LGSN: variants seen among roughly 807,000 people sequenced by gnomAD.
The protein encoded by LGSN is lengsin, lens protein with glutamine synthetase domain.
A neutral mutation model predicts 19.5 loss-of-function variants in LGSN; 21 were observed. The ratio of observed to expected loss-of-function variants is 1.07; its 90% confidence interval spans 0.76 to 1.55. The LOEUF (loss-of-function observed/expected upper bound fraction) is 1.55. Ranked by LOEUF, LGSN falls within the 40% of genes most tolerant of loss-of-function variation. LGSN has a pLI of 0.00. For missense variants in LGSN, 673 were observed against 608.5 expected (o/e 1.11, Z -1.12); for synonymous variants, 257 against 215.6 (o/e 1.19, Z -1.68).
chr6:63,413,960 T>C, the LGSN span, among the ~76,000 whole-genome samples: 2 of 152,176 alleles, frequency 1.3e-5, no homozygotes, highest in East Asian at 1.9e-4. Flanking sequence ...AGAGGATTCA[T>C]TATTATATTC....
chr6:63,381,623 C>T, the LGSN span, among the ~76,000 whole-genome samples: 49 of 152,342 alleles, frequency 3.2e-4, no homozygotes, highest in African/African-American at 1.2e-3. Flanking sequence ...ATGAATATCA[C>T]AACTTACCTC....
the LGSN span, among the ~76,000 whole-genome samples, chr6:63,480,986 T>TATATATATATATATAC: frequency 2.3e-5 from 1 of 44,076 alleles, no homozygotes; most frequent in Non-Finnish European, 7.1e-5. Flanking sequence ...TATATATATA[T>TATATATATATATATAC]ACACACACAC....
chr6:63,514,402 A>AT, the LGSN span, among the ~76,000 whole-genome samples: 1 of 152,018 alleles, frequency 6.6e-6, no homozygotes, highest in Non-Finnish European at 1.5e-5. Context: ...TAATTTTTGT[A>AT]TTTTTAGTGG....
the LGSN span, among the ~76,000 whole-genome samples, chr6:63,370,212 C>T: frequency 1.3e-5 from 2 of 152,158 alleles, no homozygotes; most frequent in Non-Finnish European, 2.9e-5. Flanking sequence ...AAAGTCAGAG[C>T]CCTGAGGTAG....
At chr6:63,304,650 C>T (rs1391973185) in intron 1 of LGSN, among the ~76,000 whole-genome samples, 1 of 152,172 alleles carries the variant, frequency 6.6e-6, no homozygotes, top group Admixed American at 6.5e-5. Context: ...TAATAGGAAC[C>T]TTGGCTAAGG....
At chr6:63,392,399 T>C in the LGSN span, 1 of 152,282 alleles carries the variant, frequency 6.6e-6, no homozygotes, top group Non-Finnish European at 1.5e-5. Flanking sequence ...CAGCTCCAGC[T>C]CCAAAGGGAC....
the LGSN span, among the ~76,000 whole-genome samples, chr6:63,439,350 TATA>T: frequency 6.6e-6 from 1 of 151,736 alleles, no homozygotes; most frequent in Admixed American, 6.6e-5. Flanking sequence ...AAACTTAAAG[TATA>T]ATAATAATAC....
chr6:63,550,789 T>A, the LGSN span, among the ~76,000 whole-genome samples: 1 of 152,058 alleles, frequency 6.6e-6, no homozygotes, highest in Non-Finnish European at 1.5e-5. Flanking sequence ...CATGCCCGTC[T>A]AATTTTTGTG....
upstream of LGSN, among the ~76,000 whole-genome samples, chr6:63,324,937 C>G (rs1271074541): frequency 6.6e-6 from 1 of 151,738 alleles, no homozygotes; most frequent in African/African-American, 2.4e-5. Flanking sequence ...GAAACCCCGT[C>G]CCTACTAAAA....
At chr6:63,314,119 G>A (rs2459569) in intron 1 of LGSN, among the ~76,000 whole-genome samples, 35,924 of 151,982 alleles carry the variant, frequency 0.24, 4,582 homozygotes, top group Admixed American at 0.32. Flanking sequence ...CGGCATGTTT[G>A]TGTCCCCCAC....
the LGSN span, among the ~76,000 whole-genome samples, chr6:63,522,862 C>CTTTT: frequency 4.0e-5 from 5 of 126,428 alleles, no homozygotes; most frequent in African/African-American, 5.9e-5. Flanking sequence ...GACTAAATCA[C>CTTTT]TTTTTTTTTT....
the LGSN span, among the ~76,000 whole-genome samples, chr6:63,437,296 A>G: frequency 6.6e-6 from 1 of 151,912 alleles, no homozygotes; most frequent in Non-Finnish European, 1.5e-5. Flanking sequence ...AGATCTAAAC[A>G]TTTGCTACCT....
At chr6:63,495,165 C>T in the LGSN span, among the ~76,000 whole-genome samples, 1 of 151,992 alleles carries the variant, frequency 6.6e-6, no homozygotes, top group Non-Finnish European at 1.5e-5. Context: ...CTATAAAACA[C>T]AGTTATTTTT....
chr6:63,351,152 T>C, the LGSN span, among the ~76,000 whole-genome samples: 1 of 152,098 alleles, frequency 6.6e-6, no homozygotes, highest in African/African-American at 2.4e-5. Flanking sequence ...ATTTCTACCA[T>C]GTGAGGTTAC....
At chr6:63,390,582 C>T in the LGSN span, among the ~76,000 whole-genome samples, 1 of 151,560 alleles carries the variant, frequency 6.6e-6, no homozygotes, top group African/African-American at 2.4e-5. Context: ...ATCGGCCAGG[C>T]GCGGTGGCTC....
At chr6:63,397,062 C>G in the LGSN span, 1 of 152,308 alleles carries the variant, frequency 6.6e-6, no homozygotes, top group East Asian at 1.9e-4. Context: ...CTGGTCTTAC[C>G]TTATAGATTA....
the LGSN span, among the ~76,000 whole-genome samples, chr6:63,511,474 T>C: frequency 6.6e-6 from 1 of 152,126 alleles, no homozygotes; most frequent in African/African-American, 2.4e-5. Flanking sequence ...TAGGCTGGTC[T>C]TGAACTCCTG....
chr6:63,491,102 AT>A, the LGSN span, among the ~76,000 whole-genome samples: 1 of 152,128 alleles, frequency 6.6e-6, no homozygotes, highest in Admixed American at 6.6e-5. Flanking sequence ...ACATTCAGAA[AT>A]AATGTTTTAC....
At chr6:63,380,723 A>G in the LGSN span, among the ~76,000 whole-genome samples, 1 of 152,094 alleles carries the variant, frequency 6.6e-6, no homozygotes, top group East Asian at 1.9e-4. Flanking sequence ...CTTTATCCTC[A>G]TTCTAGATGC....
Sources: gnomAD v4.1 joint callset for allele counts (sites outside exome capture counted in the v4.1 genomes callset) on GRCh38, gnomAD v4.1.1 for gene constraint, MANE v1.5 for transcripts, NCBI Gene and HGNC (gene_info 2026-07-23, HGNC 2026-07-21) for gene names.